Variants in CPVL observed in about 807,000 individuals in gnomAD.
The protein encoded by CPVL is probable serine carboxypeptidase CPVL.
In CPVL, 51 loss-of-function variants were observed where a neutral mutation model predicts 63.7. That is an observed-to-expected ratio of 0.80 (90% confidence interval 0.64 to 1.01). CPVL has a LOEUF of 1.01. CPVL is among the 50% of genes least tolerant of loss of function. CPVL has a pLI of 0.00. For synonymous variants in CPVL, 195 were observed against 206.0 expected, an observed-to-expected ratio of 0.95 and a Z score of 0.46; for missense variants, 530 against 573.1, an observed-to-expected ratio of 0.92 and a Z score of 0.77.
At chr7:29,102,658 C>T (rs532488026) in intron 3 of CPVL, among the ~76,000 whole-genome samples, 58 of 152,138 alleles carry the variant, frequency 3.8e-4, no homozygotes, top group African/African-American at 1.2e-3. Flanking sequence ...GGTCGGCCCG[C>T]GGGTCCCACA....
At chr7:29,170,919 T>A (rs1483353481) in intron 5 of CPVL, among the ~76,000 whole-genome samples, 2 of 152,116 alleles carry the variant, frequency 1.3e-5, no homozygotes, top group Admixed American at 1.3e-4. Flanking sequence ...ACTTACTCAC[T>A]ATCACAAGAA....
intron 11 of CPVL, among the ~76,000 whole-genome samples, chr7:29,050,418 AT>A (rs1224084317): frequency 9.6e-5 from 14 of 146,550 alleles, no homozygotes; most frequent in East Asian, 5.9e-4. Flanking sequence ...AAAAAAAAAA[AT>A]AAAATACTTA....
intron 5 of CPVL, among the ~76,000 whole-genome samples, chr7:29,178,209 T>C (rs757488303): frequency 2.6e-5 from 4 of 152,218 alleles, no homozygotes; most frequent in Non-Finnish European, 4.4e-5. Context: ...CTTCTTACTA[T>C]CCTTTTCCAT....
intron 5 of CPVL, among the ~76,000 whole-genome samples, chr7:29,178,264 C>T (rs1312625919): frequency 1.3e-5 from 2 of 152,098 alleles, no homozygotes; most frequent in Non-Finnish European, 2.9e-5. Context: ...ACATGTTATC[C>T]CCTTCCTAAA....
At chr7:29,080,156 G>A (rs1176360400) in intron 7 of CPVL, 1 of 152,128 alleles carries the variant, frequency 6.6e-6, no homozygotes, top group Non-Finnish European at 1.5e-5. Context: ...ATTGGGTACT[G>A]AGCTTAATAC....
At chr7:29,191,251 T>C (rs1409194412) in intron 1 of CPVL, among the ~76,000 whole-genome samples, 1 of 152,104 alleles carries the variant, frequency 6.6e-6, no homozygotes, top group African/African-American at 2.4e-5. Context: ...TGGACTAAGG[T>C]AATGAAATAT....
chr7:29,133,706 AT>A (rs1463375723), intron 1 of CPVL, among the ~76,000 whole-genome samples: 1 of 152,274 alleles, frequency 6.6e-6, no homozygotes, highest in Admixed American at 6.5e-5. Context: ...GAGTAAAGAC[AT>A]TTTTTAAAGT....
At chr7:29,146,615 C>T (rs1243572753), upstream of CPVL, 5 of 1,550,350 alleles carry the variant, frequency 3.2e-6, no homozygotes, top group African/African-American at 2.7e-5. Flanking sequence ...AAAAGTGCGT[C>T]GTCGTGTCCC....
chr7:29,037,626 T>C (rs532907886), intron 11 of CPVL, among the ~76,000 whole-genome samples: 1 of 149,396 alleles, frequency 6.7e-6, no homozygotes, highest in East Asian at 2.0e-4. Context: ...ACATGATGCA[T>C]GTGAAGCATG....
At chr7:29,123,391 G>C (rs973983966) in intron 1 of CPVL, among the ~76,000 whole-genome samples, 1 of 151,654 alleles carries the variant, frequency 6.6e-6, no homozygotes, top group Non-Finnish European at 1.5e-5. Context: ...GCTAAAAAAT[G>C]CTTTTGCCTA....
upstream of CPVL, among the ~76,000 whole-genome samples, chr7:29,150,909 T>C (rs1386240619): frequency 6.6e-6 from 1 of 152,152 alleles, no homozygotes; most frequent in Non-Finnish European, 1.5e-5. Context: ...CGAAGCCAGA[T>C]GTGTCACACC....
intron 11 of CPVL, among the ~76,000 whole-genome samples, chr7:29,063,512 G>A (rs1049251376): frequency 1.4e-4 from 22 of 152,170 alleles, no homozygotes; most frequent in African/African-American, 4.8e-4. Flanking sequence ...GAAGTGGTGT[G>A]TGCCAAAGGG....
chr7:29,004,074 T>G (rs1439032503), intron 12 of CPVL, among the ~76,000 whole-genome samples: 2 of 152,216 alleles, frequency 1.3e-5, no homozygotes, highest in Non-Finnish European at 2.9e-5. Flanking sequence ...CAAAGCTGAC[T>G]TTCTTAAATC....
chr7:29,182,388 G>A (rs1020831387), intron 4 of CPVL, among the ~76,000 whole-genome samples: 2 of 149,288 alleles, frequency 1.3e-5, no homozygotes, highest in African/African-American at 4.9e-5. Flanking sequence ...TCCTCATTGT[G>A]ATATGACACA....
intron 11 of CPVL, among the ~76,000 whole-genome samples, chr7:29,043,360 C>T (rs545702493): frequency 4.6e-5 from 7 of 152,172 alleles, no homozygotes; most frequent in African/African-American, 1.7e-4. Flanking sequence ...TTCATCAAAG[C>T]CACCCCATTA....
At chr7:29,190,792 C>T (rs1326765690) in intron 1 of CPVL, among the ~76,000 whole-genome samples, 4 of 152,160 alleles carry the variant, frequency 2.6e-5, no homozygotes, top group Non-Finnish European at 5.9e-5. Flanking sequence ...AACTGGCATA[C>T]AAGAGAACCA....
intron 12 of CPVL, among the ~76,000 whole-genome samples, chr7:29,005,809 G>A (rs1193879547): frequency 6.6e-6 from 1 of 152,128 alleles, no homozygotes; most frequent in African/African-American, 2.4e-5. Flanking sequence ...CTCCTTCCCT[G>A]TCCAGTTTTT....
At chr7:29,017,495 T>C (rs1395768182) in intron 12 of CPVL, among the ~76,000 whole-genome samples, 1 of 152,144 alleles carries the variant, frequency 6.6e-6, no homozygotes, top group African/African-American at 2.4e-5. Flanking sequence ...TAGCTGGGCA[T>C]GATGGTGTGT....
chr7:29,108,220 G>T lies in CPVL; in HGVS notation c.288+4484C>A, dbSNP rs143810417. On this transcript the variant is annotated intron_variant, in intron 3 of 12. Transcript: ENST00000265394. ...TCAAGGTGGGGTCCTCCGTGAAGGG[G>T]CCTAGGCCTGACTCTAAATGCCCCA... 7.2e-4 allele frequency among the ~76,000 whole-genome samples: 109 copies of T among 152,308 alleles called. 1 individual carries two copies. The highest frequency in any genetic ancestry group is 2.5e-3 in the African/African-American group (106 of 41,572).
Sources: allele counts gnomAD v4.1 joint callset (sites outside exome capture counted in the v4.1 genomes callset), GRCh38; gene constraint gnomAD v4.1.1; transcripts MANE v1.5; gene names NCBI Gene and HGNC (gene_info 2026-07-23, HGNC 2026-07-21).